RRAS2: variants seen among roughly 807,000 people sequenced by gnomAD.
RRAS2 encodes RAS related 2, also known as ras-related protein R-Ras2.
A neutral mutation model predicts 27.6 loss-of-function variants in RRAS2; 7 were observed. The observed-to-expected ratio is 0.25, with a 90% CI of 0.14 to 0.48. The LOEUF (loss-of-function observed/expected upper bound fraction) is 0.48, where lower values mean the gene tolerates loss of function less well. RRAS2 is among the 20% of genes least tolerant of loss of function. The probability of loss-of-function intolerance (pLI) is 0.99; values close to 1 mark genes in which losing one functional copy is unlikely to be tolerated. For synonymous variants in RRAS2, 86 were observed against 90.9 expected (o/e 0.95, Z 0.31); for missense variants, 178 against 256.2 (o/e 0.69, Z 2.08).
At chr11:14,355,405 A>G (rs1849051330) in intron 1 of RRAS2, among the ~76,000 whole-genome samples, 1 of 152,164 alleles carries the variant, frequency 6.6e-6, no homozygotes. Context: ...CTACCAACAG[A>G]ACTTTACACA....
intron 1 of RRAS2, among the ~76,000 whole-genome samples, chr11:14,300,019 G>A (rs1484775788): frequency 1.3e-5 from 2 of 152,114 alleles, no homozygotes; most frequent in Non-Finnish European, 2.9e-5. Context: ...AGGATGTTCT[G>A]TAGCAGAAAG....
chr11:14,364,283 A>T (rs1849226103), intron 1 of RRAS2: 2 of 1,028,792 alleles, frequency 1.9e-6, no homozygotes, highest in Non-Finnish European at 2.9e-6. Context: ...GGAGAGGGAG[A>T]TGCTAGAATC....
intron 2 of RRAS2, 120 bp downstream of exon 2, chr11:14,295,648 T>G (rs1847525017): frequency 2.9e-6 from 2 of 701,040 alleles, no homozygotes; most frequent in South Asian, 2.7e-5. Context: ...ATAAATGACA[T>G]GGGCTAATAT....
intron 4 of RRAS2, among the ~76,000 whole-genome samples, chr11:14,289,992 A>T (rs1459828542): frequency 1.3e-5 from 2 of 152,242 alleles, no homozygotes; most frequent in East Asian, 3.8e-4. Context: ...AGCAAGCCAG[A>T]CTGGTTACTC....
chr11:14,361,060 C>A (rs1195232497), upstream of RRAS2, among the ~76,000 whole-genome samples: 5 of 151,566 alleles, frequency 3.3e-5, no homozygotes, highest in Admixed American at 3.3e-4. Context: ...CCGAGGGAGG[C>A]GGATTGCTCG....
chr11:14,349,694 C>G (rs1454405545), intron 1 of RRAS2, among the ~76,000 whole-genome samples: 1 of 152,126 alleles, frequency 6.6e-6, no homozygotes, highest in South Asian at 2.1e-4. Context: ...ACCAAAAATT[C>G]TAGTTAACTC....
chr11:14,339,860 T>C (rs1848664002), intron 1 of RRAS2, among the ~76,000 whole-genome samples: 1 of 151,856 alleles, frequency 6.6e-6, no homozygotes, highest in Admixed American at 6.5e-5. Context: ...ATGCCTGTAA[T>C]CCCACCACCT....
intron 4 of RRAS2, among the ~76,000 whole-genome samples, chr11:14,286,134 G>A (rs934673299): frequency 2.0e-5 from 3 of 151,986 alleles, no homozygotes; most frequent in Non-Finnish European, 4.4e-5. Context: ...ATAAAATAAC[G>A]GTCAAAATAA....
chr11:14,304,947 C>A (rs572723118), intron 1 of RRAS2, among the ~76,000 whole-genome samples: 38 of 152,272 alleles, frequency 2.5e-4, no homozygotes, highest in African/African-American at 8.4e-4. Flanking sequence ...TAGCTTTTGA[C>A]TGAAATTAGT....
At chr11:14,319,263 A>C (rs1395954622) in intron 1 of RRAS2, among the ~76,000 whole-genome samples, 1 of 151,892 alleles carries the variant, frequency 6.6e-6, no homozygotes, top group African/African-American at 2.4e-5. Flanking sequence ...AATGCCAAGC[A>C]GGAAAAGAAG....
chr11:14,364,440 C>G (rs1325214372), exon 1 of RRAS2: 4 of 1,527,692 alleles, frequency 2.6e-6, no homozygotes, highest in Non-Finnish European at 3.5e-6. Context: ...TGGGCCATTG[C>G]TTTTAATGTG....
chr11:14,351,667 T>C (rs1554954802), intron 1 of RRAS2, among the ~76,000 whole-genome samples: 1 of 150,370 alleles, frequency 6.7e-6, no homozygotes, highest in Non-Finnish European at 1.5e-5. Flanking sequence ...GAGGTGGAGG[T>C]TGCAGTGAGC....
At chr11:14,355,206 CA>C (rs1554955286) in intron 1 of RRAS2, among the ~76,000 whole-genome samples, 1 of 149,940 alleles carries the variant, frequency 6.7e-6, no homozygotes, top group Non-Finnish European at 1.5e-5. Flanking sequence ...GAAATTTGTT[CA>C]ACCAAACCCA....
intron 1 of RRAS2, among the ~76,000 whole-genome samples, chr11:14,312,930 G>A (rs1245621339): frequency 6.6e-6 from 1 of 152,170 alleles, no homozygotes; most frequent in Non-Finnish European, 1.5e-5. Context: ...CCACATGCCT[G>A]GAGGCCGGGC....
chr11:14,313,379 T>C (rs1346910162), intron 1 of RRAS2, among the ~76,000 whole-genome samples: 4 of 152,250 alleles, frequency 2.6e-5, no homozygotes, highest in Non-Finnish European at 5.9e-5. Context: ...GGTCAGATTC[T>C]ATAGCTATTA....
At chr11:14,304,835 C>G (rs926764713) in intron 1 of RRAS2, among the ~76,000 whole-genome samples, 2 of 152,202 alleles carry the variant, frequency 1.3e-5, no homozygotes, top group Non-Finnish European at 2.9e-5. Flanking sequence ...CACTTTTTAG[C>G]AGCAGCTGTC....
intron 4 of RRAS2, among the ~76,000 whole-genome samples, chr11:14,286,246 T>G (rs1469009595): frequency 6.6e-6 from 1 of 152,226 alleles, no homozygotes; most frequent in Non-Finnish European, 1.5e-5. Flanking sequence ...TTTTCTTGCT[T>G]CTTTATATGT....
intron 4 of RRAS2, among the ~76,000 whole-genome samples, chr11:14,293,353 G>T (rs1294057484): frequency 1.3e-5 from 2 of 151,002 alleles, no homozygotes; most frequent in South Asian, 4.2e-4. Context: ...ATAAAAACAA[G>T]AATACTTAAA....
At position 14,304,577 on chromosome 11, in the gene RRAS2, G is replaced by A. The variant is rs1004203764; in HGVS notation, c.109-8722C>T. On this transcript the variant is annotated intron_variant, in intron 1 of 5. Transcript: ENST00000256196. ...GTATGTCCCAGGACATATAAAACTC[G>A]ATTTACATGCTCAAGGTTTTTAAAA... Among the ~76,000 whole-genome samples, 5 of 152,196 alleles carry A rather than the reference G, an allele frequency of 3.3e-5. No homozygotes were observed. The East Asian group carries it at 9.6e-4, about 29-fold the overall frequency.
Sources: allele counts gnomAD v4.1 joint callset (sites outside exome capture counted in the v4.1 genomes callset), GRCh38; gene constraint gnomAD v4.1.1; transcripts MANE v1.5; gene names NCBI Gene and HGNC (gene_info 2026-07-23, HGNC 2026-07-21).